The following TTC29 variants were observed in gnomAD, a reference collection of about 807,000 sequenced individuals.
The protein encoded by TTC29 is tetratricopeptide repeat domain 29, also known as tetratricopeptide repeat protein 29.
In TTC29, 49 loss-of-function variants were observed where a neutral mutation model predicts 58.1. The observed-to-expected ratio is 0.84, with a 90% CI of 0.67 to 1.07. TTC29 has a LOEUF of 1.07. TTC29 is among the 50% of genes least tolerant of loss of function. The probability of loss-of-function intolerance (pLI) is 0.00; values close to 1 mark genes in which losing one functional copy is unlikely to be tolerated. For missense variants in TTC29, 582 were observed against 555.6 expected, an observed-to-expected ratio of 1.05 and a Z score of -0.48; for synonymous variants, 209 against 196.8, an observed-to-expected ratio of 1.06 and a Z score of -0.52.
chr4:146,823,038 T>C (rs1220192616), intron 9 of TTC29, among the ~76,000 whole-genome samples: 1 of 152,198 alleles, frequency 6.6e-6, no homozygotes, highest in African/African-American at 2.4e-5. Context: ...AAAAGTGTTC[T>C]CCCATTCTGT....
rs181802148 is a variant in TTC29 at position 146,905,861 on chromosome 4, G to A, written c.401-2132C>T. On this transcript the variant is annotated intron_variant, in intron 5 of 12. Coordinates refer to ENST00000325106, the MANE Select transcript of TTC29 (RefSeq NM_031956.4). ...TGCTTAACCTCAATGTTAGTTCACC[G>A]GGTATTTCTCAAGCTTATTTGGCCA... Among the ~76,000 whole-genome samples, 174 of 152,214 alleles carry A rather than the reference G, an allele frequency of 1.1e-3. 1 individual carries two copies. The highest frequency in any genetic ancestry group is 2.2e-3 in the Non-Finnish European group (148 of 68,018).
At chr4:146,926,267 A>G (rs1417018809) in intron 4 of TTC29, among the ~76,000 whole-genome samples, 2 of 152,144 alleles carry the variant, frequency 1.3e-5, no homozygotes, top group East Asian at 3.8e-4. Context: ...GAACTGATGT[A>G]TGTCTTTTCA....
intron 11 of TTC29, among the ~76,000 whole-genome samples, chr4:146,726,492 C>A (rs1023570811): frequency 3.9e-5 from 6 of 152,096 alleles, no homozygotes; most frequent in Non-Finnish European, 7.4e-5. Context: ...CTTCACATCT[C>A]CTACTCAGTT....
At chr4:146,864,492 C>A (rs1730443326) in intron 8 of TTC29, among the ~76,000 whole-genome samples, 1 of 152,140 alleles carries the variant, frequency 6.6e-6, no homozygotes, top group African/African-American at 2.4e-5. Flanking sequence ...CTTATTATCA[C>A]CCTATGTATT....
At chr4:146,727,703 C>T (rs1191375754) in intron 11 of TTC29, among the ~76,000 whole-genome samples, 8 of 152,046 alleles carry the variant, frequency 5.3e-5, no homozygotes, top group African/African-American at 1.7e-4. Flanking sequence ...AATAATATTC[C>T]ATTGTCGGGA....
chr4:146,748,539 C>T (rs557798542), intron 11 of TTC29, among the ~76,000 whole-genome samples: 4 of 152,302 alleles, frequency 2.6e-5, no homozygotes, highest in East Asian at 3.9e-4. Flanking sequence ...ACAAGAGGAT[C>T]CCTAAAGTCC....
intron 4 of TTC29, among the ~76,000 whole-genome samples, chr4:146,922,971 A>G (rs919423923): frequency 5.3e-5 from 8 of 151,870 alleles, no homozygotes; most frequent in Non-Finnish European, 7.4e-5. Flanking sequence ...TACTCTCACC[A>G]AAGGAGAGAA....
At chr4:146,812,112 T>G (rs1023971373) in intron 10 of TTC29, among the ~76,000 whole-genome samples, 5 of 152,134 alleles carry the variant, frequency 3.3e-5, no homozygotes, top group Non-Finnish European at 5.9e-5. Flanking sequence ...AACATACAAA[T>G]ATTACAAATA....
intron 4 of TTC29, among the ~76,000 whole-genome samples, chr4:146,923,315 C>T (rs1734715487): frequency 6.6e-6 from 1 of 151,512 alleles, no homozygotes. Flanking sequence ...TATTTAGATA[C>T]AAAAATCACA....
chr4:146,793,669 A>T (rs1749630517), intron 11 of TTC29, among the ~76,000 whole-genome samples: 1 of 152,104 alleles, frequency 6.6e-6, no homozygotes, highest in African/African-American at 2.4e-5. Flanking sequence ...CTTCAAATTG[A>T]TGTGCAAAAG....
At chr4:146,787,755 G>A (rs986896772) in intron 11 of TTC29, among the ~76,000 whole-genome samples, 26 of 152,178 alleles carry the variant, frequency 1.7e-4, no homozygotes, top group Admixed American at 6.5e-4. Context: ...TGTGTAGCAG[G>A]AGAGAAAGAT....
At chr4:146,922,832 C>T (rs1002682748) in intron 4 of TTC29, among the ~76,000 whole-genome samples, 34 of 151,724 alleles carry the variant, frequency 2.2e-4, no homozygotes, top group Middle Eastern at 3.4e-3. Context: ...TAGAAAATAT[C>T]ATGTTAAACT....
At chr4:146,876,411 T>A (rs991440621) in intron 6 of TTC29, among the ~76,000 whole-genome samples, 1 of 152,188 alleles carries the variant, frequency 6.6e-6, no homozygotes, top group African/African-American at 2.4e-5. Flanking sequence ...TCATGACATA[T>A]TAAATTAACC....
intron 11 of TTC29, among the ~76,000 whole-genome samples, chr4:146,715,610 A>C (rs202005700): frequency 6.6e-6 from 1 of 152,184 alleles, no homozygotes; most frequent in East Asian, 1.9e-4. Flanking sequence ...AGAGGCTGGG[A>C]AGGGTCGGGG....
intron 3 of TTC29, among the ~76,000 whole-genome samples, chr4:146,938,677 T>C (rs552231008): frequency 6.6e-6 from 1 of 152,254 alleles, no homozygotes; most frequent in Admixed American, 6.5e-5. Flanking sequence ...TTTTAAAGAA[T>C]TTTTATGTTA....
intron 11 of TTC29, among the ~76,000 whole-genome samples, chr4:146,796,707 T>C (rs531347511): frequency 6.6e-6 from 1 of 152,260 alleles, no homozygotes; most frequent in South Asian, 2.1e-4. Context: ...ATATTTAGGG[T>C]CATTGGCTTT....
intron 4 of TTC29, among the ~76,000 whole-genome samples, chr4:146,918,209 T>C (rs1344572427): frequency 2.0e-5 from 3 of 151,068 alleles, no homozygotes; most frequent in African/African-American, 7.2e-5. Context: ...TTTAAAAGTA[T>C]ATATACAAAT....
At chr4:146,745,287 G>T (rs935436147) in intron 11 of TTC29, among the ~76,000 whole-genome samples, 1 of 152,212 alleles carries the variant, frequency 6.6e-6, no homozygotes, top group African/African-American at 2.4e-5. Context: ...AAGTAGAAGA[G>T]ATTTATTGGC....
chr4:146,887,481 G>T (rs1288816185), intron 6 of TTC29, among the ~76,000 whole-genome samples: 1 of 152,054 alleles, frequency 6.6e-6, no homozygotes, highest in African/African-American at 2.4e-5. Flanking sequence ...GAGGGGAAAA[G>T]GGCCTGATAT....
Sources: allele counts gnomAD v4.1 joint callset (sites outside exome capture counted in the v4.1 genomes callset), GRCh38; gene constraint gnomAD v4.1.1; transcripts MANE v1.5; gene names NCBI Gene and HGNC (gene_info 2026-07-23, HGNC 2026-07-21).